ATP6V0E1: variants seen among roughly 807,000 people sequenced by gnomAD.
The protein encoded by ATP6V0E1 is ATPase H+ transporting V0 subunit e1.
A neutral mutation model predicts 11.6 loss-of-function variants in ATP6V0E1; 4 were observed. That is an observed-to-expected ratio of 0.35 (90% CI 0.17 to 0.79). The LOEUF is 0.79. Ranked by LOEUF, ATP6V0E1 falls within the 30% of genes least tolerant of loss-of-function variation. The probability of loss-of-function intolerance (pLI) is 0.54; values close to 1 mark genes in which losing one functional copy is unlikely to be tolerated. For synonymous variants in ATP6V0E1, 36 were observed against 34.8 expected (o/e 1.04, Z -0.13); for missense variants, 105 against 100.0 (o/e 1.05, Z -0.21).
rs750334422 is a variant in ATP6V0E1 at position 173,010,700 on chromosome 5, G to A, written c.153-9538G>A. 2.0e-4 allele frequency among the ~76,000 whole-genome samples: 31 copies of A among 152,202 alleles called. 1 individual carries two copies. The highest frequency in any genetic ancestry group is 2.0e-4 in the Admixed American group (3 of 15,276). ...TCTGCTGTCTCTTAAGGAGCTCACC[G>A]ACAGAGGTCACTGCTGTCATGGCCC... On this transcript the variant is annotated intron_variant, in intron 2 of 3. Coordinates refer to ENST00000519374, the MANE Select transcript of ATP6V0E1 (RefSeq NM_003945.4).
At chr5:172,986,958 T>C (rs1296638500) in intron 1 of ATP6V0E1, 2 of 260,934 alleles carry the variant, frequency 7.7e-6, no homozygotes, top group East Asian at 2.9e-4. Flanking sequence ...CAGCTAATTT[T>C]TGTATTTTTA....
At chr5:173,011,534 G>A (rs1252257592) in intron 2 of ATP6V0E1, among the ~76,000 whole-genome samples, 2 of 152,042 alleles carry the variant, frequency 1.3e-5, no homozygotes, top group African/African-American at 2.4e-5. Context: ...TGGGACTCAG[G>A]AGTCCTGGAT....
chr5:172,996,440 T>TA (rs957481671), intron 2 of ATP6V0E1, among the ~76,000 whole-genome samples: 20 of 152,068 alleles, frequency 1.3e-4, no homozygotes, highest in African/African-American at 4.8e-4. Flanking sequence ...CGCACACCTG[T>TA]AGTCCCAGCT....
intron 2 of ATP6V0E1, among the ~76,000 whole-genome samples, chr5:172,997,711 G>T (rs773574008): frequency 2.6e-5 from 4 of 152,056 alleles, no homozygotes; most frequent in Non-Finnish European, 5.9e-5. Flanking sequence ...TACTTGGGAG[G>T]TTGAGGCAGG....
At chr5:173,001,362 A>G (rs970695565) in intron 2 of ATP6V0E1, among the ~76,000 whole-genome samples, 9 of 151,964 alleles carry the variant, frequency 5.9e-5, no homozygotes, top group African/African-American at 2.2e-4. Context: ...ACAAATACCT[A>G]CTCAGTTATG....
intron 3 of ATP6V0E1, chr5:173,020,615 C>CT (rs2113607995): frequency 1.9e-6 from 1 of 525,998 alleles, no homozygotes; most frequent in South Asian, 1.6e-5. Flanking sequence ...CAAAATTAAG[C>CT]TTGCATGCAC....
chr5:173,033,305 T>G (rs1306984077), intron 3 of ATP6V0E1, among the ~76,000 whole-genome samples: 1 of 152,078 alleles, frequency 6.6e-6, no homozygotes, highest in African/African-American at 2.4e-5. Context: ...TCAGGTGATC[T>G]TCCCGCCTTG....
chr5:173,026,683 T>C (rs1293078005), intron 3 of ATP6V0E1, among the ~76,000 whole-genome samples: 1 of 152,212 alleles, frequency 6.6e-6, no homozygotes, highest in East Asian at 1.9e-4. Context: ...TTGATAATCC[T>C]TTTGGGTTAT....
intron 1 of ATP6V0E1, among the ~76,000 whole-genome samples, chr5:172,992,300 C>T (rs1330791319): frequency 6.6e-6 from 1 of 152,222 alleles, no homozygotes; most frequent in African/African-American, 2.4e-5. Context: ...ATCTGCCCGC[C>T]TCGGCCTCCC....
chr5:173,033,282 G>T (rs569082299), intron 3 of ATP6V0E1, among the ~76,000 whole-genome samples: 2 of 152,094 alleles, frequency 1.3e-5, no homozygotes, highest in African/African-American at 4.8e-5. Flanking sequence ...TCGCTATGTT[G>T]CCCAGGCTGG....
intron 3 of ATP6V0E1, among the ~76,000 whole-genome samples, chr5:173,021,131 G>C (rs1225564124): frequency 6.6e-6 from 1 of 152,098 alleles, no homozygotes; most frequent in Non-Finnish European, 1.5e-5. Flanking sequence ...GAAAGCAAAA[G>C]GGGGGCAGCC....
At chr5:173,012,754 CAAAAA>C (rs1241067003) in intron 2 of ATP6V0E1, among the ~76,000 whole-genome samples, 1 of 102,142 alleles carries the variant, frequency 9.8e-6, no homozygotes, top group East Asian at 2.7e-4. Context: ...AACTCCATCT[CAAAAA>C]AAAAAAAAAG....
At chr5:173,028,397 G>T (rs1756594418) in intron 3 of ATP6V0E1, among the ~76,000 whole-genome samples, 1 of 152,164 alleles carries the variant, frequency 6.6e-6, no homozygotes, top group Non-Finnish European at 1.5e-5. Context: ...GATGATAAAG[G>T]AGTTTAGAAG....
chr5:173,004,744 C>G (rs974404372), intron 2 of ATP6V0E1, among the ~76,000 whole-genome samples: 44 of 152,114 alleles, frequency 2.9e-4, no homozygotes, highest in Non-Finnish European at 5.9e-4. Context: ...TGAAGGCTTT[C>G]CACAATAGCT....
intron 2 of ATP6V0E1, among the ~76,000 whole-genome samples, chr5:173,007,718 T>C (rs985407016): frequency 6.6e-6 from 1 of 152,140 alleles, no homozygotes; most frequent in African/African-American, 2.4e-5. Flanking sequence ...AGAACAGACT[T>C]GGAAGGGATT....
At chr5:173,017,650 G>A (rs980381865) in intron 2 of ATP6V0E1, among the ~76,000 whole-genome samples, 11 of 151,760 alleles carry the variant, frequency 7.2e-5, no homozygotes, top group African/African-American at 1.9e-4. Context: ...ACACCAGCCT[G>A]GCCAACATAG....
intron 2 of ATP6V0E1, among the ~76,000 whole-genome samples, chr5:173,013,730 G>A (rs1354023587): frequency 6.6e-6 from 1 of 152,036 alleles, no homozygotes; most frequent in Non-Finnish European, 1.5e-5. Context: ...CAAAGGACAT[G>A]ACTAGATATT....
chr5:172,995,307 G>A (rs879550173), intron 2 of ATP6V0E1, among the ~76,000 whole-genome samples: 1 of 152,116 alleles, frequency 6.6e-6, no homozygotes, highest in South Asian at 2.1e-4. Flanking sequence ...TTGCCATGTT[G>A]GCCAGGCTGG....
At chr5:173,000,778 G>T (rs962200766) in intron 2 of ATP6V0E1, among the ~76,000 whole-genome samples, 8 of 149,974 alleles carry the variant, frequency 5.3e-5, no homozygotes, top group African/African-American at 2.0e-4. Flanking sequence ...TCAGCTCACT[G>T]CAACCTCCAC....
Sources: gnomAD v4.1 joint callset for allele counts (sites outside exome capture counted in the v4.1 genomes callset) on GRCh38, gnomAD v4.1.1 for gene constraint, MANE v1.5 for transcripts, NCBI Gene and HGNC (gene_info 2026-07-23, HGNC 2026-07-21) for gene names.